RBBP4: variants seen among roughly 807,000 people sequenced by gnomAD.
RBBP4 encodes histone-binding protein RBBP4.
In RBBP4, 3 loss-of-function variants were observed where a neutral mutation model predicts 57.2. The ratio of observed to expected loss-of-function variants is 0.05; its 90% CI spans 0.02 to 0.14. RBBP4 has a LOEUF of 0.14. RBBP4 is among the 10% of genes least tolerant of loss of function. RBBP4 has a pLI of 1.00. For synonymous variants in RBBP4, 151 were observed against 171.5 expected, an observed-to-expected ratio of 0.88 and a Z score of 0.93; for missense variants, 107 against 520.6, an observed-to-expected ratio of 0.21 and a Z score of 7.73.
At chr1:32,665,056 G>C (rs1213373926) in intron 3 of RBBP4, among the ~76,000 whole-genome samples, 1 of 152,090 alleles carries the variant, frequency 6.6e-6, no homozygotes, top group Non-Finnish European at 1.5e-5. Flanking sequence ...CTTAGTGCAG[G>C]GTTGCTGTAA....
chr1:32,668,125 T>C (rs554541132), intron 3 of RBBP4, 100 bp from the exon 4 acceptor site: 1 of 1,133,138 alleles, frequency 8.8e-7, no homozygotes, highest in East Asian at 2.5e-5. Flanking sequence ...TATGCCAGTT[T>C]GTTGCTAAGG....
At chr1:32,672,756 T>G (rs770544996) in intron 10 of RBBP4, 35 bp from the exon 11 acceptor site, 16 of 1,562,510 alleles carry the variant, frequency 1.0e-5, no homozygotes, top group Admixed American at 3.6e-5. Context: ...GTCCTCTATC[T>G]GCATTTCACC....
rs76298652 is a variant in RBBP4, at chr1:32,678,172, T to G, written c.1213-1468T>G. ...AACCCTGTACCCATTAGCCATCATT[T>G]CCTATTTTTCTCATAGTCCCCCAGC... On this transcript the variant is annotated intron_variant, in intron 11 of 11. Coordinates refer to ENST00000373493, the MANE Select transcript of RBBP4 (RefSeq NM_005610.3). Among the ~76,000 whole-genome samples, 1,303 of 152,312 alleles carry G rather than the reference T, an allele frequency of 8.6e-3. 18 individuals carry two copies. Among genetic ancestry groups the G allele is most frequent in the African/African-American group, 0.03 (1,256 of 41,562 alleles).
chr1:32,668,555 A>G (rs1358986983), intron 4 of RBBP4, 157 bp downstream of exon 4: 1 of 958,854 alleles, frequency 1.0e-6, no homozygotes, highest in East Asian at 2.6e-5. Flanking sequence ...CCATGAAAAA[A>G]TAATGCTTTT....
intron 3 of RBBP4, 80 bp from the exon 4 acceptor site, chr1:32,668,145 C>A: frequency 7.5e-7 from 1 of 1,324,654 alleles, no homozygotes; most frequent in Non-Finnish European, 1.0e-6. Context: ...GAAAAAAAAT[C>A]CTTTCCTGTG....
At chr1:32,656,295 A>G (rs1434564614) in intron 2 of RBBP4, among the ~76,000 whole-genome samples, 6 of 151,992 alleles carry the variant, frequency 3.9e-5, no homozygotes, top group Non-Finnish European at 8.8e-5. Flanking sequence ...TTCGGGTTCA[A>G]GCGATTCTTG....
intron 8 of RBBP4, among the ~76,000 whole-genome samples, chr1:32,670,013 A>G (rs947115246): frequency 2.0e-5 from 3 of 152,102 alleles, no homozygotes; most frequent in Admixed American, 6.6e-5. Flanking sequence ...TTTCTTTGTT[A>G]TTTCTATACT....
chr1:32,665,542 A>C (rs1166889787), intron 3 of RBBP4, among the ~76,000 whole-genome samples: 1 of 151,966 alleles, frequency 6.6e-6, no homozygotes, highest in African/African-American at 2.4e-5. Flanking sequence ...GCTGGGCGTC[A>C]TGGCACATGG....
chr1:32,680,987 G>T lies in RBBP4; in HGVS notation c.*1282G>T, dbSNP rs1649397394. ...GGCAAGATTTAAATTTGGAAAAGGTGCTTGAACCTTTTCTCAGAGGTTTTA... is the reference window on the plus strand; with the variant it reads ...GGCAAGATTTAAATTTGGAAAAGGTTCTTGAACCTTTTCTCAGAGGTTTTA... On this transcript the variant is annotated 3_prime_UTR_variant, in exon 12 of 12. Transcript: ENST00000373493. The T allele has an allele frequency of 6.4e-6, 1 of 156,258 alleles. No individual in the cohort carries two copies. The highest frequency in any genetic ancestry group is 1.4e-5 in the Non-Finnish European group (1 of 70,592). The allele number at this position is 156,258 out of a possible 1,614,324, so 9.7% of individuals were successfully genotyped here.
intron 2 of RBBP4, among the ~76,000 whole-genome samples, chr1:32,656,554 G>GTT (rs1648149864): frequency 6.6e-6 from 1 of 152,110 alleles, no homozygotes; most frequent in South Asian, 2.1e-4. Context: ...GTTTCATCAT[G>GTT]TTGGTCAGGC....
intron 3 of RBBP4, among the ~76,000 whole-genome samples, chr1:32,659,059 A>C (rs1279138483): frequency 6.8e-6 from 1 of 147,494 alleles, no homozygotes; most frequent in Admixed American, 6.9e-5. Context: ...ATATAAATAT[A>C]TAAATTATAT....
Position 32,665,579 on chromosome 1 carries a change from G to A in RBBP4, c.311-2646G>A, listed in dbSNP as rs533210984. Among the ~76,000 whole-genome samples the A allele has an allele frequency of 3.3e-5, 5 of 151,688 alleles. No individual in the cohort carries two copies. The South Asian group carries it at 1.0e-3, about 32-fold the overall frequency. On this transcript the variant is annotated intron_variant, in intron 3 of 11. Coordinates refer to ENST00000373493, the MANE Select transcript of RBBP4 (RefSeq NM_005610.3). ...TGCAGTCCCAGCTACTCAGGGGGCT[G>A]AGGCAGGAGAATCGCTTGAACCCAG...
chr1:32,669,387 T>C lies in RBBP4; in HGVS notation c.888+30T>C. On this transcript the variant is annotated intron_variant, in intron 7 of 11. Transcript: ENST00000373493. The surrounding 1 kb of genome is among the most constrained non-coding windows in gnomAD (Gnocchi z 4.9). ...GTTTCGTTTATTTTAATAGAAAACA[T>C]AATTTCTCTAGGTTTTTTTGAATTG... 6.3e-7 allele frequency: 1 copy of C among 1,581,228 alleles called. No individual in the cohort carries two copies. Among genetic ancestry groups the C allele is most frequent in the Non-Finnish European group, 8.5e-7 (1 of 1,170,454 alleles).
intron 3 of RBBP4, among the ~76,000 whole-genome samples, chr1:32,663,337 C>T (rs971129283): frequency 6.6e-6 from 1 of 152,162 alleles, no homozygotes; most frequent in African/African-American, 2.4e-5. Flanking sequence ...GAGAAGCCAA[C>T]AAAATAGGAA....
intron 8 of RBBP4, among the ~76,000 whole-genome samples, chr1:32,671,475 T>C (rs1383828014): frequency 1.3e-5 from 2 of 151,928 alleles, no homozygotes; most frequent in Non-Finnish European, 2.9e-5. Context: ...CCCAGCTACT[T>C]AAGAGGCTGA....
In RBBP4 at chr1:32,684,633, G is replaced by A; in HGVS notation, c.*4928G>A. 2.1e-6 allele frequency: 1 copy of A among 470,640 alleles called. No individual in the cohort carries two copies. The highest frequency in any genetic ancestry group is 3.8e-6 in the Non-Finnish European group (1 of 264,716). 29.2% of individuals were successfully genotyped at this position (470,640 alleles called of 1,614,324 possible). On this transcript the variant is annotated 3_prime_UTR_variant, in exon 12 of 12. Transcript: ENST00000373493. ...CCACAGCTTGCTTTAATAGAATCCT[G>A]GGAGGGTGATTGGGACTTTTTAGTA...
At chr1:32,653,798 A>G (rs1034811230) in intron 2 of RBBP4, among the ~76,000 whole-genome samples, 2 of 151,194 alleles carry the variant, frequency 1.3e-5, no homozygotes, top group African/African-American at 2.4e-5. Context: ...AGCTGGGACT[A>G]CAGGTGCCGG....
At chr1:32,652,260 GTT>G in intron 2 of RBBP4, 199 bp downstream of exon 2, 1 of 594,712 alleles carries the variant, frequency 1.7e-6, no homozygotes, top group Non-Finnish European at 2.9e-6. Flanking sequence ...ACATATTGGC[GTT>G]TTTTTCTCAA....
chr1:32,657,231 G>A (rs182502357), intron 2 of RBBP4, among the ~76,000 whole-genome samples, 196 bp from the exon 3 acceptor site: 2 of 152,134 alleles, frequency 1.3e-5, no homozygotes, highest in East Asian at 1.9e-4. Context: ...AGCCAAGATC[G>A]CACCACTCCA....
Sources: gnomAD v4.1 joint callset for allele counts (sites outside exome capture counted in the v4.1 genomes callset) on GRCh38, gnomAD v4.1.1 for gene constraint, Gnocchi (gnomAD v3.1) non-coding constraint, MANE v1.5 for transcripts, NCBI Gene and HGNC (gene_info 2026-07-23, HGNC 2026-07-21) for gene names.